The following KSR2 variants were observed in gnomAD, a reference collection of about 807,000 sequenced individuals.
KSR2 encodes kinase suppressor of ras 2.
In KSR2, 25 loss-of-function variants were observed where a neutral mutation model predicts 107.8. That is an observed-to-expected ratio of 0.23 (90% confidence interval 0.17 to 0.32). The LOEUF (loss-of-function observed/expected upper bound fraction) is 0.32, where lower values mean the gene tolerates loss of function less well. Ranked by LOEUF, KSR2 falls within the 10% of genes least tolerant of loss-of-function variation. The probability of loss-of-function intolerance (pLI) is 1.00; values close to 1 mark genes in which losing one functional copy is unlikely to be tolerated. For synonymous variants in KSR2, 480 were observed against 507.0 expected (o/e 0.95, Z 0.71); for missense variants, 887 against 1,268.9 (o/e 0.70, Z 4.57).
intron 7 of KSR2, among the ~76,000 whole-genome samples, chr12:117,571,307 A>G (rs1415688540): frequency 1.3e-5 from 2 of 152,132 alleles, no homozygotes; most frequent in African/African-American, 4.8e-5. Context: ...CAAGGTTGGG[A>G]GTAGGGAGAA....
At chr12:117,695,862 C>T (rs1459478916) in intron 4 of KSR2, among the ~76,000 whole-genome samples, 1 of 152,194 alleles carries the variant, frequency 6.6e-6, no homozygotes, top group African/African-American at 2.4e-5. Context: ...GGTCGCCGCT[C>T]TTCTTCAGGA....
At chr12:117,690,090 C>T (rs1885750396) in intron 4 of KSR2, among the ~76,000 whole-genome samples, 1 of 152,130 alleles carries the variant, frequency 6.6e-6, no homozygotes, top group South Asian at 2.1e-4. Context: ...TCCAATAAAA[C>T]TTTATTTACA....
At position 117,567,661 on chromosome 12, in the gene KSR2, CA is replaced by C. The variant is rs57039581; in HGVS notation, c.1326-9089del. 8.6e-3 allele frequency among the ~76,000 whole-genome samples: 1,164 copies of C among 134,822 alleles called. 7 individuals are homozygous for C. Among genetic ancestry groups the C allele is most frequent in the African/African-American group, 0.021 (787 of 36,808 alleles). The allele number at this position is 134,822 out of a possible 152,430, so 88.4% of individuals were successfully genotyped here. A position where few individuals can be genotyped will look rare whatever the true frequency, so the allele number is the denominator to read the frequency against. ...ATTAAGTGTTCCTGAAGGCTTCTCGCAAAAAAAAAAAAAAAAATCACGAAAC... is the reference window on the plus strand; with the variant it reads ...ATTAAGTGTTCCTGAAGGCTTCTCGCAAAAAAAAAAAAAAAATCACGAAAC... On this transcript the variant is annotated intron_variant, in intron 7 of 19. Coordinates refer to ENST00000339824, the MANE Select transcript of KSR2 (RefSeq NM_173598.6).
At chr12:117,722,230 A>G (rs1375069258) in intron 4 of KSR2, among the ~76,000 whole-genome samples, 1 of 152,144 alleles carries the variant, frequency 6.6e-6, no homozygotes, top group African/African-American at 2.4e-5. Context: ...ACCATATTAG[A>G]CAATGCAGGC....
chr12:117,528,710 G>A (rs918974545), intron 12 of KSR2, among the ~76,000 whole-genome samples: 1 of 152,206 alleles, frequency 6.6e-6, no homozygotes, highest in African/African-American at 2.4e-5. Flanking sequence ...ATGCCCTGGG[G>A]GAGACTTGGC....
intron 5 of KSR2, among the ~76,000 whole-genome samples, chr12:117,645,895 GTGTGTGTGTGTGTGTGTGTA>G (rs1565942319): frequency 7.3e-5 from 11 of 151,236 alleles, no homozygotes; most frequent in Admixed American, 3.9e-4. Context: ...GTGTGTGTGT[GTGTGTGTGTGTGTGTGTGTA>G]CAGCTGTCCT....
At chr12:117,700,567 AAAT>A (rs1886260826) in intron 4 of KSR2, among the ~76,000 whole-genome samples, 1 of 152,344 alleles carries the variant, frequency 6.6e-6, no homozygotes, top group Middle Eastern at 3.4e-3. Context: ...TATTATAAAA[AAAT>A]AATAAGTCAC....
At chr12:117,521,370 T>G (rs2137226372) in intron 14 of KSR2, among the ~76,000 whole-genome samples, 1 of 152,310 alleles carries the variant, frequency 6.6e-6, no homozygotes, top group South Asian at 2.1e-4. Flanking sequence ...AACTAAGGCT[T>G]GTGAAACCCT....
intron 1 of KSR2, among the ~76,000 whole-genome samples, chr12:117,941,039 C>T (rs1004747747): frequency 7.2e-5 from 11 of 152,116 alleles, no homozygotes; most frequent in Non-Finnish European, 1.2e-4. Flanking sequence ...GAGCCAAGAT[C>T]GTGCCACTGC....
rs7134212 is a variant in KSR2 at position 117,819,176 on chromosome 12, C to T, written c.472+36252G>A. 9.6e-3 allele frequency among the ~76,000 whole-genome samples: 1,463 copies of T among 152,178 alleles called. 25 individuals carry two copies. Among genetic ancestry groups the T allele is most frequent in the African/African-American group, 0.033 (1,379 of 41,518 alleles). ...TAGCATCAGGCTCAGGGGAATAAGG[C>T]CAGTTTGAGCTCATTCAAGGATTGA... On this transcript the variant is annotated intron_variant, in intron 3 of 19. Transcript: ENST00000339824.
At chr12:117,860,505 T>A in intron 1 of KSR2, 74 bp from the exon 2 acceptor site, 1 of 1,431,428 alleles carries the variant, frequency 7.0e-7, no homozygotes, top group Non-Finnish European at 9.4e-7. Context: ...GAGAACCCCC[T>A]ACGAACCCCC....
chr12:117,966,120 A>G (rs1385480700), intron 1 of KSR2, among the ~76,000 whole-genome samples: 1 of 152,186 alleles, frequency 6.6e-6, no homozygotes, highest in African/African-American at 2.4e-5. Context: ...CCCCCAGTTT[A>G]AAAGGAAAAC....
At chr12:117,875,392 A>G (rs1893807923) in intron 1 of KSR2, among the ~76,000 whole-genome samples, 1 of 150,564 alleles carries the variant, frequency 6.6e-6, no homozygotes, top group Non-Finnish European at 1.5e-5. Flanking sequence ...GAGGGAATGC[A>G]GGACACCATG....
chr12:117,897,809 T>C lies in KSR2; in HGVS notation c.181-37378A>G, dbSNP rs1894560347. Among the ~76,000 whole-genome samples the C allele has an allele frequency of 6.6e-6, 1 of 152,092 alleles. No individual in the cohort carries two copies. The highest frequency in any genetic ancestry group is 1.5e-5 in the Non-Finnish European group (1 of 68,016). On this transcript the variant is annotated intron_variant, in intron 1 of 19. Transcript: ENST00000339824. The surrounding 1 kb of genome is among the most constrained non-coding windows in gnomAD (Gnocchi z 4.5). ...AATATAATGGGCTTAATTCCCCAAA[T>C]TGTTGGGAATATTGTTTTATTTTCC...
At position 117,456,243 on chromosome 12, in the gene KSR2, T is replaced by A. The variant is rs116834360; in HGVS notation, c.*10956A>T. On this transcript the variant is annotated 3_prime_UTR_variant, in exon 20 of 20. Transcript: ENST00000339824. ...CTTAATGCTCCAGTCGAGCCAGGACTGTCCAGATAGCTTTGAAGGGGCAGG... is the reference window on the plus strand; with the variant it reads ...CTTAATGCTCCAGTCGAGCCAGGACAGTCCAGATAGCTTTGAAGGGGCAGG... 1.3e-5 allele frequency: 2 copies of A among 152,154 alleles called. No homozygotes were observed. The highest frequency in any genetic ancestry group is 2.4e-5 in the African/African-American group (1 of 41,420). 9.4% of individuals were successfully genotyped at this position (152,154 alleles called of 1,614,324 possible).
intron 1 of KSR2, among the ~76,000 whole-genome samples, chr12:117,909,227 G>A (rs1894945388): frequency 6.6e-6 from 1 of 152,164 alleles, no homozygotes; most frequent in Admixed American, 6.5e-5. Flanking sequence ...CACTTGGAAA[G>A]GGGGCTCTTC....
intron 1 of KSR2, among the ~76,000 whole-genome samples, chr12:117,942,490 T>A (rs942032178): frequency 7.4e-5 from 11 of 147,710 alleles, no homozygotes; most frequent in Non-Finnish European, 1.5e-4. Flanking sequence ...TTCCTTTTTT[T>A]TTCTTTTTTT....
chr12:117,540,357 C>T (rs1300227440), intron 9 of KSR2, among the ~76,000 whole-genome samples: 1 of 152,120 alleles, frequency 6.6e-6, no homozygotes, highest in African/African-American at 2.4e-5. Context: ...CCTCTCCTCA[C>T]CCCAGACCAG....
Position 117,854,900 on chromosome 12 carries a change from G to T in KSR2, c.472+528C>A, listed in dbSNP as rs866115833. Among the ~76,000 whole-genome samples the T allele has an allele frequency of 3.3e-5, 5 of 152,130 alleles. No homozygotes were observed. The South Asian group carries it at 1.0e-3, about 32-fold the overall frequency. On this transcript the variant is annotated intron_variant, in intron 3 of 19. Coordinates refer to ENST00000339824, the MANE Select transcript of KSR2 (RefSeq NM_173598.6). The stretch of plus-strand genomic sequence containing the variant: ...AAAAAAAAAAAAATTTAAGCAATAT[G>T]TGTGGATAATTCTATTTTTTAAAGT...
Sources: gnomAD v4.1 joint callset for allele counts (sites outside exome capture counted in the v4.1 genomes callset) on GRCh38, gnomAD v4.1.1 for gene constraint, Gnocchi (gnomAD v3.1) non-coding constraint, MANE v1.5 for transcripts, NCBI Gene and HGNC (gene_info 2026-07-23, HGNC 2026-07-21) for gene names.